GABPB1: variants seen among roughly 807,000 people sequenced by gnomAD.
GABPB1 encodes the protein GA binding protein transcription factor subunit beta 1, also known as GA-binding protein subunit beta-1.
GABPB1 carries 15 observed loss-of-function variants against 45.9 expected under a neutral mutation model. The ratio of observed to expected loss-of-function variants is 0.33; its 90% CI spans 0.22 to 0.50. GABPB1 has a LOEUF of 0.50. GABPB1 is among the 20% of genes least tolerant of loss of function. The pLI is 0.98. For synonymous variants in GABPB1, 143 were observed against 154.4 expected (o/e 0.93, Z 0.55); for missense variants, 252 against 457.5 (o/e 0.55, Z 4.10).
intron 1 of GABPB1, among the ~76,000 whole-genome samples, chr15:50,334,632 G>A (rs8042451): frequency 2.0e-5 from 3 of 150,496 alleles, no homozygotes; most frequent in South Asian, 2.1e-4. Context: ...ATCAGCCTCC[G>A]GAGTAGCTGG....
chr15:50,291,905 G>A (rs1437049024), intron 6 of GABPB1, among the ~76,000 whole-genome samples: 8 of 137,714 alleles, frequency 5.8e-5, no homozygotes, highest in East Asian at 2.1e-4. Flanking sequence ...GTGACAGAGT[G>A]AGACTCTGTC....
chr15:50,303,240 A>C, intron 3 of GABPB1, 117 bp from the exon 4 acceptor site: 1 of 777,040 alleles, frequency 1.3e-6, no homozygotes, highest in South Asian at 1.8e-5. Flanking sequence ...TCAATTATTT[A>C]TATGTATATG....
chr15:50,351,245 A>G (rs535045134), intron 1 of GABPB1: 36 of 152,350 alleles, frequency 2.4e-4, no homozygotes, highest in African/African-American at 8.4e-4. Flanking sequence ...AAGTGGGGCT[A>G]ACACCTTGCT....
chr15:50,340,486 C>T (rs2048312431), intron 1 of GABPB1, among the ~76,000 whole-genome samples: 1 of 149,990 alleles, frequency 6.7e-6, no homozygotes, highest in Non-Finnish European at 1.5e-5. Flanking sequence ...GGACCCACAA[C>T]CCCAACAAGT....
intron 8 of GABPB1, among the ~76,000 whole-genome samples, chr15:50,281,254 C>T (rs916943989): frequency 2.0e-5 from 3 of 152,132 alleles, no homozygotes; most frequent in Non-Finnish European, 4.4e-5. Flanking sequence ...CTCTGTTGCC[C>T]AGGCTGGAGT....
At chr15:50,334,650 G>A (rs927837654) in intron 1 of GABPB1, among the ~76,000 whole-genome samples, 1 of 151,484 alleles carries the variant, frequency 6.6e-6, no homozygotes, top group Non-Finnish European at 1.5e-5. Flanking sequence ...TGGGACTACA[G>A]GTGCATGCCA....
At chr15:50,286,303 C>T (rs2046151299) in intron 7 of GABPB1, 120 bp from the exon 8 acceptor site, 2 of 659,308 alleles carry the variant, frequency 3.0e-6, no homozygotes, top group Admixed American at 8.0e-5. Flanking sequence ...AACAATAATT[C>T]CAAATCATTG....
intron 1 of GABPB1, chr15:50,347,435 C>G (rs1193237641): frequency 6.6e-6 from 1 of 151,830 alleles, no homozygotes; most frequent in African/African-American, 2.4e-5. Context: ...AAATATGGAA[C>G]ACATCATAAA....
intron 2 of GABPB1, among the ~76,000 whole-genome samples, chr15:50,307,835 C>T (rs540245629): frequency 2.6e-5 from 4 of 152,246 alleles, no homozygotes; most frequent in African/African-American, 9.6e-5. Flanking sequence ...TGCCATCTTT[C>T]ATCAGTTCTG....
intron 1 of GABPB1, among the ~76,000 whole-genome samples, chr15:50,320,604 G>C (rs935325718): frequency 5.3e-5 from 8 of 152,212 alleles, no homozygotes; most frequent in African/African-American, 1.9e-4. Context: ...CAGATCCTGT[G>C]AATATGCTAC....
chr15:50,354,277 C>A (rs1347123643), intron 1 of GABPB1: 2 of 405,554 alleles, frequency 4.9e-6, no homozygotes, highest in East Asian at 1.8e-4. Flanking sequence ...GGGCAGAAGT[C>A]CCGAGCCTTC....
chr15:50,292,846 A>ATGTGTG (rs3985830), intron 6 of GABPB1, among the ~76,000 whole-genome samples: 14,649 of 149,570 alleles, frequency 0.098, 947 homozygotes, highest in African/African-American at 0.19. Context: ...AAGTGTGTAT[A>ATGTGTG]TGTGTGTGTG....
intron 6 of GABPB1, among the ~76,000 whole-genome samples, chr15:50,295,984 T>C (rs8030952): frequency 0.19 from 29,125 of 152,182 alleles, 3,015 homozygotes; most frequent in African/African-American, 0.24. Context: ...ATGTGTGGTA[T>C]ATGTCAAAAA....
Position 50,303,021 on chromosome 15 carries a change from C to T in GABPB1, c.379G>A (p.Gly127Ser). Residue 127 changes from glycine (G) to serine (S), a missense_variant, in exon 4 of 9, where the codon GGT becomes AGT. Physicochemically the swap from Gly to Ser is moderately conservative, Grantham distance 56. This residue lies in a region of GABPB1 where 193 missense variants were observed against 259.9 expected (regional missense o/e 0.74). Transcript: ENST00000380877. ...TTACTTTGCGTGTGTACATCAGCAC[C>T]ATATTTGATTAAAAGTTCCACCACC... ...QEVVELLIKY[G>S]ADVHTQSKFC... 1 of 1,613,802 alleles carries T rather than the reference C, an allele frequency of 6.2e-7. No individual in the cohort carries two copies. Among genetic ancestry groups the T allele is most frequent in the South Asian group, 1.1e-5 (1 of 91,068 alleles).
At chr15:50,316,980 T>C (rs1297269598) in intron 1 of GABPB1, among the ~76,000 whole-genome samples, 1 of 151,982 alleles carries the variant, frequency 6.6e-6, no homozygotes, top group Non-Finnish European at 1.5e-5. Flanking sequence ...AGTACAGATC[T>C]CTAAAAGATA....
At chr15:50,305,398 T>C (rs2046913846) in intron 2 of GABPB1, among the ~76,000 whole-genome samples, 1 of 152,078 alleles carries the variant, frequency 6.6e-6, no homozygotes, top group South Asian at 2.1e-4. Flanking sequence ...TGGGGTGCAA[T>C]GGATATTCAT....
intron 1 of GABPB1, among the ~76,000 whole-genome samples, chr15:50,317,887 C>T (rs71394990): frequency 2.1e-5 from 3 of 143,780 alleles, no homozygotes; most frequent in Non-Finnish European, 4.5e-5. Context: ...CCAGCCTGGG[C>T]GACAGAGCAA....
rs189643153 is a variant in GABPB1 at position 50,323,805 on chromosome 15, G to C, written c.1-14007C>G. ...GAGGATCGCTTAAGCCCAGAAGTTTGAGGCTTCAGTGAGCCATGACTGTGC... is the reference window on the plus strand; with the variant it reads ...GAGGATCGCTTAAGCCCAGAAGTTTCAGGCTTCAGTGAGCCATGACTGTGC... On this transcript the variant is annotated intron_variant, in intron 1 of 8. Transcript: ENST00000380877. 4.2e-4 allele frequency among the ~76,000 whole-genome samples: 64 copies of C among 152,226 alleles called. No individual in the cohort carries two copies. The East Asian group carries it at 6.2e-3, about 15-fold the overall frequency.
chr15:50,295,863 ACC>A (rs2046492186), intron 6 of GABPB1, among the ~76,000 whole-genome samples: 1 of 138,092 alleles, frequency 7.2e-6, no homozygotes, highest in African/African-American at 2.4e-5. Flanking sequence ...AGCACTGACA[ACC>A]TGCTGTTATA....
Sources: allele counts gnomAD v4.1 joint callset (sites outside exome capture counted in the v4.1 genomes callset), GRCh38; gene constraint gnomAD v4.1.1; regional missense constraint gnomAD v4.1.1; transcripts MANE v1.5; gene names NCBI Gene and HGNC (gene_info 2026-07-23, HGNC 2026-07-21).